PLEKHA2: variants seen among roughly 807,000 people sequenced by gnomAD.
PLEKHA2 encodes the protein pleckstrin homology domain-containing family A member 2.
A neutral mutation model predicts 53.2 loss-of-function variants in PLEKHA2; 28 were observed. The observed-to-expected ratio is 0.53, with a 90% CI of 0.39 to 0.72. PLEKHA2 has a LOEUF of 0.72. Among genes scored for constraint, PLEKHA2 ranks in the 30% least tolerant of loss-of-function variants. PLEKHA2 has a pLI of 0.00. For missense variants in PLEKHA2, 426 were observed against 537.9 expected (o/e 0.79, Z 2.06); for synonymous variants, 193 against 196.4 (o/e 0.98, Z 0.14).
chr8:38,972,176 GTTTTTAATTTTTTT>G lies in PLEKHA2; in HGVS notation c.*2406_*2419del, dbSNP rs1198073988. On this transcript the variant is annotated 3_prime_UTR_variant, in exon 12 of 12. Transcript: ENST00000617275. Reference sequence around the variant, plus strand: ...GGAATTCCACATTAGAGCATTGCTTGTTTTTAATTTTTTTTTTTTAATTTTTAAAAGACAGGGTC... The same window carrying G: ...GGAATTCCACATTAGAGCATTGCTTGTTTTTAATTTTTAAAAGACAGGGTC... The G allele has an allele frequency of 6.6e-6, 1 of 150,764 alleles. No homozygotes were observed. The highest frequency in any genetic ancestry group is 1.9e-4 in the East Asian group (1 of 5,170). 9.3% of individuals were successfully genotyped at this position (150,764 alleles called of 1,614,324 possible).
intron 3 of PLEKHA2, among the ~76,000 whole-genome samples, chr8:38,940,093 TAAAA>T (rs71216698): frequency 1.1e-4 from 12 of 106,620 alleles, no homozygotes; most frequent in South Asian, 3.3e-4. Flanking sequence ...CCCTATCTCT[TAAAA>T]AAAAAAAAAA....
chr8:38,907,760 C>CAA (rs10639555), intron 1 of PLEKHA2, among the ~76,000 whole-genome samples: 41,430 of 140,478 alleles, frequency 0.29, 7,169 homozygotes, highest in Admixed American at 0.44. Context: ...GACCATATCT[C>CAA]AAAAAAAAAA....
At chr8:38,914,040 T>C (rs927808340) in intron 1 of PLEKHA2, among the ~76,000 whole-genome samples, 10 of 152,222 alleles carry the variant, frequency 6.6e-5, no homozygotes, top group African/African-American at 2.4e-5. Flanking sequence ...GCTGTGTTTC[T>C]GAAACCTCCT....
chr8:38,950,317 A>G (rs1834804288), intron 5 of PLEKHA2, among the ~76,000 whole-genome samples: 1 of 152,054 alleles, frequency 6.6e-6, no homozygotes. Context: ...TACAGGTGTG[A>G]GGCCCCGGAC....
chr8:38,937,396 C>T (rs912283490), intron 3 of PLEKHA2, among the ~76,000 whole-genome samples: 2 of 152,140 alleles, frequency 1.3e-5, no homozygotes, highest in African/African-American at 4.8e-5. Flanking sequence ...GGTCGTTTCT[C>T]CAGGAGGGTC....
chr8:38,946,835 T>G (rs914640836), intron 5 of PLEKHA2, among the ~76,000 whole-genome samples: 1 of 152,224 alleles, frequency 6.6e-6, no homozygotes, highest in African/African-American at 2.4e-5. Context: ...GGGGAAACTA[T>G]GTTTTGGAAA....
intron 1 of PLEKHA2, among the ~76,000 whole-genome samples, chr8:38,904,456 C>T (rs1202713106): frequency 4.6e-5 from 7 of 152,180 alleles, no homozygotes; most frequent in East Asian, 3.8e-4. Flanking sequence ...AGTTAAAGTG[C>T]GAAGGCTGGG....
At chr8:38,948,894 G>A (rs545742964) in intron 5 of PLEKHA2, among the ~76,000 whole-genome samples, 3 of 152,214 alleles carry the variant, frequency 2.0e-5, no homozygotes, top group South Asian at 2.1e-4. Flanking sequence ...GTTTTGAAAC[G>A]GAGTCTCGCT....
rs907231088 is a variant in PLEKHA2 at position 38,913,813 on chromosome 8, C to T, written c.-23-4094C>T. On this transcript the variant is annotated intron_variant, in intron 1 of 11. Coordinates refer to ENST00000617275, the MANE Select transcript of PLEKHA2 (RefSeq NM_021623.2). ...ACCCAATGTCTGCTGGGAGACTTCA[C>T]GTTCCTTCTGTGGCGTCTGTTCCTC... 8.5e-5 allele frequency among the ~76,000 whole-genome samples: 13 copies of T among 152,226 alleles called. 1 individual carries two copies. Among genetic ancestry groups the T allele is most frequent in the Admixed American group, 5.9e-4 (9 of 15,280 alleles).
intron 5 of PLEKHA2, 187 bp from the exon 6 acceptor site, chr8:38,950,663 G>A (rs1834816450): frequency 1.6e-6 from 1 of 617,994 alleles, no homozygotes; most frequent in East Asian, 3.0e-5. Context: ...TATCTGTGTA[G>A]GGGGAGGGCG....
intron 3 of PLEKHA2, 149 bp from the exon 4 acceptor site, chr8:38,943,640 A>G (rs1056509343): frequency 9.5e-6 from 5 of 528,358 alleles, no homozygotes; most frequent in Non-Finnish European, 1.6e-5. Context: ...AATCTGGATG[A>G]TGAGTACAGG....
At chr8:38,934,559 C>T (rs1257904553) in intron 2 of PLEKHA2, among the ~76,000 whole-genome samples, 1 of 152,000 alleles carries the variant, frequency 6.6e-6, no homozygotes, top group Non-Finnish European at 1.5e-5. Flanking sequence ...GGATGGTCTG[C>T]ATTCGAAGCC....
intron 2 of PLEKHA2, among the ~76,000 whole-genome samples, chr8:38,920,904 G>A (rs376670324): frequency 2.0e-4 from 31 of 151,816 alleles, no homozygotes; most frequent in African/African-American, 3.4e-4. Context: ...GGGTTCAAGC[G>A]ATTCTCCTGT....
chr8:38,948,858 T>A (rs1834767486), intron 5 of PLEKHA2, among the ~76,000 whole-genome samples: 1 of 151,732 alleles, frequency 6.6e-6, no homozygotes, highest in Non-Finnish European at 1.5e-5. Flanking sequence ...TTAGTAGACA[T>A]TCAGCTGTTT....
At chr8:38,968,992 A>G in intron 11 of PLEKHA2, 1 of 313,946 alleles carries the variant, frequency 3.2e-6, no homozygotes, top group Non-Finnish European at 5.8e-6. Context: ...TCTGCCTCCC[A>G]GGTTCAAGTG....
intron 10 of PLEKHA2, among the ~76,000 whole-genome samples, chr8:38,964,304 G>C (rs1210480009): frequency 6.6e-6 from 1 of 152,130 alleles, no homozygotes; most frequent in African/African-American, 2.4e-5. Flanking sequence ...TGGCCTGTTA[G>C]GAACCTGACC....
At chr8:38,948,208 A>T (rs939252298) in intron 5 of PLEKHA2, among the ~76,000 whole-genome samples, 16 of 152,190 alleles carry the variant, frequency 1.1e-4, no homozygotes, top group Non-Finnish European at 1.8e-4. Flanking sequence ...ATATCAACTA[A>T]AAATCAACAT....
At chr8:38,952,764 C>A in intron 8 of PLEKHA2, 60 bp downstream of exon 8, 1 of 1,526,308 alleles carries the variant, frequency 6.6e-7, no homozygotes, top group Non-Finnish European at 9.0e-7. Flanking sequence ...TGCATAGGTG[C>A]ACACCCACAG....
intron 5 of PLEKHA2, 65 bp from the exon 6 acceptor site, chr8:38,950,785 T>C (rs1834819165): frequency 6.4e-7 from 1 of 1,562,326 alleles, no homozygotes; most frequent in East Asian, 2.3e-5. Context: ...CCCCATTCTG[T>C]TTTGGGCTCC....
Sources: gnomAD v4.1 joint callset for allele counts (sites outside exome capture counted in the v4.1 genomes callset) on GRCh38, gnomAD v4.1.1 for gene constraint, MANE v1.5 for transcripts, NCBI Gene and HGNC (gene_info 2026-07-23, HGNC 2026-07-21) for gene names.